Variants in FRMPD4 observed in about 807,000 individuals in gnomAD.
FRMPD4 encodes the protein FERM and PDZ domain-containing protein 4.
FRMPD4 carries 22 observed loss-of-function variants against 94.1 expected under a neutral mutation model. That is an observed-to-expected ratio of 0.23 (90% confidence interval 0.17 to 0.33). The LOEUF (loss-of-function observed/expected upper bound fraction) is 0.33, where lower values mean the gene tolerates loss of function less well. FRMPD4 is among the 10% of genes least tolerant of loss of function. The pLI is 1.00. For missense variants in FRMPD4, 1,111 were observed against 1,339.9 expected, an observed-to-expected ratio of 0.83 and a Z score of 2.67; for synonymous variants, 631 against 548.6, an observed-to-expected ratio of 1.15 and a Z score of -2.10.
intron 1 of FRMPD4, among the ~76,000 whole-genome samples, chrX:12,142,447 G>A (rs17327990): frequency 0.1 from 11,332 of 110,626 alleles, 1,095 homozygotes; most frequent in East Asian, 0.63. Flanking sequence ...AAAGGTCAGG[G>A]TTTTTCCCAT....
intron 2 of FRMPD4, among the ~76,000 whole-genome samples, chrX:12,559,797 A>G (rs2058634357): frequency 8.9e-6 from 1 of 112,001 alleles, no homozygotes; most frequent in South Asian, 3.7e-4. Flanking sequence ...TGCCTGGTTG[A>G]ACAATTATTT....
chrX:12,231,061 A>G (rs1428338639), intron 1 of FRMPD4, among the ~76,000 whole-genome samples: 1 of 69,755 alleles, frequency 1.4e-5, no homozygotes, highest in Admixed American at 2.0e-4. Flanking sequence ...ATATATATAT[A>G]TATATATATA....
chrX:12,231,867 G>A (rs770963627), intron 1 of FRMPD4, among the ~76,000 whole-genome samples: 1 of 111,764 alleles, frequency 8.9e-6, no homozygotes, highest in African/African-American at 3.3e-5. Flanking sequence ...TTTAACTGGG[G>A]TGAATGTCTT....
Position 12,710,543 on chromosome X carries a change from C to A in FRMPD4, c.1609+6C>A, listed in dbSNP as rs775137172. ...CACAGCGACCCAGGAAACAGGTATTCTCTTCCTGAACTCATCAAGCACTGA... is the reference window on the plus strand; with the variant it reads ...CACAGCGACCCAGGAAACAGGTATTATCTTCCTGAACTCATCAAGCACTGA... On this transcript the variant is annotated splice_donor_region_variant and intron_variant, in intron 14 of 16. Coordinates refer to ENST00000675598, the MANE Select transcript of FRMPD4 (RefSeq NM_001368397.1). 8.3e-7 allele frequency: 1 copy of A among 1,198,167 alleles called. No individual in the cohort carries two copies.
In FRMPD4 at chrX:11,930,992, T is replaced by C. The variant is rs766475615; in HGVS notation, c.95+52974T>C. Among the ~76,000 whole-genome samples the C allele has an allele frequency of 2.7e-3, 297 of 111,338 alleles. 1 individual carries two copies. The highest frequency in any genetic ancestry group is 9.2e-3 in the African/African-American group (283 of 30,606). ...CCATAGTCACTTCCCAACCTGTGAG[T>C]TACCCCAGCAGCCTGTCAGGGGAAA... On this transcript the variant is annotated intron_variant, in intron 3 of 18. Transcript: ENST00000640291.
intron 2 of FRMPD4, among the ~76,000 whole-genome samples, chrX:12,530,170 A>G (rs1203480448): frequency 1.8e-5 from 2 of 110,619 alleles, no homozygotes. Flanking sequence ...GTGGTTCTTA[A>G]GAAATCAAGT....
In FRMPD4 at chrX:12,722,817, T is replaced by G. The variant is rs1198488093; in HGVS notation, c.*959T>G. On this transcript the variant is annotated 3_prime_UTR_variant, in exon 17 of 17. Transcript: ENST00000675598. ...ATTTGCAAACTTAAAAAAAGGAACA[T>G]TTAATGATCATCAAAATTAAGTACA... 1.8e-5 allele frequency: 2 copies of G among 111,647 alleles called. No homozygotes were observed. The highest frequency in any genetic ancestry group is 5.6e-4 in the East Asian group (2 of 3,578). 9.2% of individuals were successfully genotyped at this position (111,647 alleles called of 1,213,427 possible).
chrX:12,204,552 G>A (rs941697159), intron 1 of FRMPD4, among the ~76,000 whole-genome samples: 1 of 111,236 alleles, frequency 9.0e-6, no homozygotes, highest in South Asian at 3.8e-4. Context: ...ACAACTCTTT[G>A]GGTTTGTTCC....
At chrX:12,648,389 G>A (rs761138084) in intron 4 of FRMPD4, among the ~76,000 whole-genome samples, 3 of 111,267 alleles carry the variant, frequency 2.7e-5, no homozygotes, top group South Asian at 7.7e-4. Context: ...GTGCTTACCC[G>A]TTCATCAAGA....
chrX:12,245,512 CTT>C (rs566550884), intron 1 of FRMPD4, among the ~76,000 whole-genome samples: 10,150 of 67,025 alleles, frequency 0.15, 727 homozygotes, highest in East Asian at 0.44. Flanking sequence ...CTTATGTCCT[CTT>C]TTTTTTTTTT....
intron 3 of FRMPD4, among the ~76,000 whole-genome samples, chrX:12,132,164 A>G (rs1454182090): frequency 1.8e-5 from 2 of 110,848 alleles, no homozygotes; most frequent in Admixed American, 1.9e-4. Flanking sequence ...TTGGGAGGAT[A>G]TATAAATAAT....
At chrX:11,931,770 T>C (rs1236769889) in intron 3 of FRMPD4, among the ~76,000 whole-genome samples, 2 of 112,147 alleles carry the variant, frequency 1.8e-5, no homozygotes, top group Non-Finnish European at 3.8e-5. Flanking sequence ...TTTTGAAAAG[T>C]TGCACTTTTG....
intron 1 of FRMPD4, among the ~76,000 whole-genome samples, chrX:12,231,464 T>A (rs2057007006): frequency 9.0e-6 from 1 of 111,047 alleles, no homozygotes; most frequent in Admixed American, 9.6e-5. Context: ...AACAAAGCAT[T>A]GATGAACAGC....
chrX:12,314,684 CT>C (rs749196789), intron 1 of FRMPD4, among the ~76,000 whole-genome samples: 95 of 110,819 alleles, frequency 8.6e-4, no homozygotes, highest in Non-Finnish European at 1.6e-3. Context: ...GTTTTTATGA[CT>C]TTTTTTTAAC....
At chrX:12,318,141 T>G (rs1362668802) in intron 1 of FRMPD4, among the ~76,000 whole-genome samples, 1 of 112,890 alleles carries the variant, frequency 8.9e-6, no homozygotes, top group Non-Finnish European at 1.9e-5. Context: ...TGAAATCTTG[T>G]CATTTGCAGC....
chrX:12,122,577 T>A (rs1318407364), intron 3 of FRMPD4, among the ~76,000 whole-genome samples: 1 of 105,725 alleles, frequency 9.5e-6, no homozygotes, highest in Non-Finnish European at 1.9e-5. Context: ...AGGAGAAGAG[T>A]TGAACAATTA....
intron 4 of FRMPD4, among the ~76,000 whole-genome samples, chrX:12,628,649 G>C (rs966943273): frequency 6.2e-5 from 7 of 112,662 alleles, no homozygotes; most frequent in African/African-American, 1.9e-4. Flanking sequence ...TCTTCCTGGA[G>C]AATCAGCTTC....
At chrX:12,519,039 A>G (rs1188613127) in intron 2 of FRMPD4, among the ~76,000 whole-genome samples, 1 of 112,744 alleles carries the variant, frequency 8.9e-6, no homozygotes, top group Non-Finnish European at 1.9e-5. Context: ...GCTGAAAGAA[A>G]GTAAAGACGA....
intron 3 of FRMPD4, among the ~76,000 whole-genome samples, chrX:12,006,056 C>G (rs1291954855): frequency 9.0e-6 from 1 of 111,476 alleles, no homozygotes; most frequent in South Asian, 3.8e-4. Context: ...CCATTTGCCT[C>G]CCTTCTAGAC....
Sources: allele counts gnomAD v4.1 joint callset (sites outside exome capture counted in the v4.1 genomes callset), GRCh38; gene constraint gnomAD v4.1.1; transcripts MANE v1.5; gene names NCBI Gene and HGNC (gene_info 2026-07-23, HGNC 2026-07-21).